Variants in PATJ observed in about 807,000 individuals in gnomAD.
PATJ encodes inaD-like protein.
In PATJ, 190 loss-of-function variants were observed where a neutral mutation model predicts 224.9. The ratio of observed to expected loss-of-function variants is 0.84; its 90% CI spans 0.75 to 0.95. The LOEUF (loss-of-function observed/expected upper bound fraction) is 0.95. Ranked by LOEUF, PATJ falls within the 40% of genes least tolerant of loss-of-function variation. The pLI, the probability that PATJ is intolerant of heterozygous loss-of-function variation, is 0.00. For synonymous variants in PATJ, 769 were observed against 820.3 expected, an observed-to-expected ratio of 0.94 and a Z score of 1.07; for missense variants, 2,121 against 2,270.3, an observed-to-expected ratio of 0.93 and a Z score of 1.34.
intron 27 of PATJ, among the ~76,000 whole-genome samples, chr1:61,986,936 T>C (rs1343163980): frequency 1.3e-5 from 2 of 149,560 alleles, no homozygotes; most frequent in Admixed American, 6.6e-5. Flanking sequence ...TCCAATTTCT[T>C]AGTTATAATA....
chr1:61,793,150 T>C (rs1650248396), intron 9 of PATJ, among the ~76,000 whole-genome samples: 1 of 152,152 alleles, frequency 6.6e-6, no homozygotes, highest in South Asian at 2.1e-4. Flanking sequence ...CTTGGCTCAC[T>C]GCAACCTCTG....
At position 61,763,193 on chromosome 1, in the gene PATJ, C is replaced by G. The variant is rs762956584; in HGVS notation, c.189+14C>G. ...CTGAAGGGTCAAGTAAGTTACCCAT[C>G]AGAGTTTTACATTAATATATTATAT... On this transcript the variant is annotated intron_variant, in intron 3 of 43. Transcript: ENST00000642238. 4.8e-6 allele frequency: 7 copies of G among 1,451,214 alleles called. No individual in the cohort carries two copies. In the Admixed American group the frequency reaches 6.5e-5, roughly 14 times the overall value. The allele number at this position is 1,451,214 out of a possible 1,614,324, so 89.9% of individuals were successfully genotyped here. A position where few individuals can be genotyped will look rare whatever the true frequency, so the allele number is the denominator to read the frequency against.
At chr1:61,879,943 A>G (rs1055453987) in intron 21 of PATJ, among the ~76,000 whole-genome samples, 1 of 151,576 alleles carries the variant, frequency 6.6e-6, no homozygotes, top group Non-Finnish European at 1.5e-5. Flanking sequence ...AGTTCAAGCT[A>G]TTCTCCTGCC....
chr1:61,857,737 T>A (rs1273403008), intron 18 of PATJ, among the ~76,000 whole-genome samples: 1 of 152,252 alleles, frequency 6.6e-6, no homozygotes. Flanking sequence ...AATTCTGATA[T>A]GCTCTTCAGG....
chr1:61,861,597 A>T lies in PATJ; in HGVS notation c.2369A>T (p.Asn790Ile), dbSNP rs375877279. The T allele has an allele frequency of 6.7e-7, 1 of 1,500,286 alleles. No homozygotes were observed. The highest frequency in any genetic ancestry group is 9.0e-7 in the Non-Finnish European group (1 of 1,114,072). 92.9% of individuals were successfully genotyped at this position (1,500,286 alleles called of 1,614,324 possible). A position where few individuals can be genotyped will look rare whatever the true frequency, so the allele number is the denominator to read the frequency against. The change falls in exon 19 of 44, where the codon AAT becomes ATT. Residue 790 changes from asparagine (N) to isoleucine (I), a missense_variant. Coordinates refer to ENST00000642238, the MANE Select transcript of PATJ (RefSeq NM_001350145.3). ...ESCYILHSSSNEDKTEFSGTI... is the reference protein window; with the variant it reads ...ESCYILHSSSIEDKTEFSGTI... ...TGTTATATTTTACATTCAAGCAGTA[A>T]TGAAGACAAGACTGAATTTTCAGGA...
At chr1:62,048,196 GA>G (rs2148569681) in intron 30 of PATJ, among the ~76,000 whole-genome samples, 1 of 152,264 alleles carries the variant, frequency 6.6e-6, no homozygotes, top group African/African-American at 2.4e-5. Flanking sequence ...CAAGAATAAA[GA>G]ATCTGCTTCA....
chr1:62,000,096 C>A (rs1263164085), intron 28 of PATJ, among the ~76,000 whole-genome samples: 1 of 151,986 alleles, frequency 6.6e-6, no homozygotes, highest in Non-Finnish European at 1.5e-5. Context: ...ACCATATTGG[C>A]CAGGCTGGTC....
At chr1:62,155,913 C>T (rs1005671049) in intron 43 of PATJ, among the ~76,000 whole-genome samples, 10 of 151,468 alleles carry the variant, frequency 6.6e-5, no homozygotes, top group Non-Finnish European at 1.5e-4. Context: ...AAAAAATTAG[C>T]CGGGCATGGT....
chr1:61,911,252 C>T (rs899508937), intron 25 of PATJ, among the ~76,000 whole-genome samples: 2 of 152,084 alleles, frequency 1.3e-5, no homozygotes, highest in African/African-American at 2.4e-5. Context: ...TCTCGCTCTT[C>T]GCCCAGGCTG....
intron 27 of PATJ, among the ~76,000 whole-genome samples, chr1:61,948,100 C>A: frequency 6.6e-6 from 1 of 152,068 alleles, no homozygotes; most frequent in East Asian, 1.9e-4. Flanking sequence ...GACCTAAAAC[C>A]ATAAAAACCC....
At chr1:62,061,331 G>A (rs1199272161) in intron 31 of PATJ, among the ~76,000 whole-genome samples, 1 of 151,518 alleles carries the variant, frequency 6.6e-6, no homozygotes, top group Non-Finnish European at 1.5e-5. Context: ...ACAGGTGCCC[G>A]CCCCCACGCC....
At position 61,913,445 on chromosome 1, in the gene PATJ, C is replaced by T. The variant is rs146501375; in HGVS notation, c.3493-1142C>T. Among the ~76,000 whole-genome samples the T allele has an allele frequency of 6.2e-3, 948 of 152,220 alleles. 8 individuals carry two copies. Among genetic ancestry groups the T allele is most frequent in the Non-Finnish European group, 6.4e-3 (433 of 68,022 alleles). ...CTGGTCTCAAACTCCTGGACTCCAG[C>T]GATCCTCCTGCCTTAGCCTCTCAAA... On this transcript the variant is annotated intron_variant, in intron 25 of 43. Coordinates refer to ENST00000642238, the MANE Select transcript of PATJ (RefSeq NM_001350145.3).
chr1:61,879,396 C>T (rs771213938), intron 21 of PATJ, among the ~76,000 whole-genome samples: 1 of 151,988 alleles, frequency 6.6e-6, no homozygotes. Flanking sequence ...CAAAGTGACC[C>T]TGACGATCTA....
In PATJ at chr1:62,014,628, A is replaced by G. The variant is rs796651483; in HGVS notation, c.3868-3228A>G. Among the ~76,000 whole-genome samples the G allele has an allele frequency of 3.0e-5, 4 of 131,296 alleles. 1 individual carries two copies. The highest frequency in any genetic ancestry group is 8.9e-5 in the African/African-American group (3 of 33,540). The allele number at this position is 131,296 out of a possible 152,430, so 86.1% of individuals were successfully genotyped here. A position where few individuals can be genotyped will look rare whatever the true frequency, so the allele number is the denominator to read the frequency against. On this transcript the variant is annotated intron_variant, in intron 28 of 43. Coordinates refer to ENST00000642238, the MANE Select transcript of PATJ (RefSeq NM_001350145.3). ...GTTGCCCAGGCTAGAGTGCTGTGGC[A>G]CAATCTTGCCTCACTGCAGCCTCAA... is the stretch of plus-strand genomic sequence containing the variant.
At position 62,160,846 on chromosome 1, in the gene PATJ, A is replaced by C. The variant is rs996521046; in HGVS notation, c.5503-62A>C. 4.5e-6 allele frequency: 7 copies of C among 1,563,518 alleles called. No individual in the cohort carries two copies. The African/African-American group carries it at 8.1e-5, about 18-fold the overall frequency. On this transcript the variant is annotated intron_variant, in intron 43 of 43. Transcript: ENST00000642238. ...CACCAGACAGATGTTAGAGGTTTTA[A>C]TATCAATTTAATATAAACTGTGTTT...
intron 27 of PATJ, among the ~76,000 whole-genome samples, chr1:61,966,681 C>A (rs1196795512): frequency 2.6e-5 from 3 of 114,336 alleles, no homozygotes; most frequent in Non-Finnish European, 5.2e-5. Context: ...AGCGAGACTT[C>A]ATCTCAAAAA....
intron 1 of PATJ, among the ~76,000 whole-genome samples, chr1:61,758,013 G>C (rs1051842769): frequency 7.9e-5 from 12 of 152,026 alleles, no homozygotes; most frequent in African/African-American, 2.7e-4. Flanking sequence ...TGAAAATAAT[G>C]CACTCATTCT....
intron 17 of PATJ, among the ~76,000 whole-genome samples, chr1:61,852,928 GA>G (rs1169821760): frequency 2.0e-5 from 3 of 152,160 alleles, no homozygotes; most frequent in African/African-American, 4.8e-5. Flanking sequence ...ATCACAGGCA[GA>G]AAAGTCATCA....
intron 39 of PATJ, among the ~76,000 whole-genome samples, chr1:62,126,158 G>A (rs936684427): frequency 2.0e-5 from 3 of 152,146 alleles, no homozygotes; most frequent in Admixed American, 6.5e-5. Context: ...TTGAGGATTC[G>A]TTTTCTTCAG....
Sources: allele counts gnomAD v4.1 joint callset (sites outside exome capture counted in the v4.1 genomes callset), GRCh38; gene constraint gnomAD v4.1.1; transcripts MANE v1.5; gene names NCBI Gene and HGNC (gene_info 2026-07-23, HGNC 2026-07-21).